The following GTF2A1 variants were observed in gnomAD, a reference collection of about 807,000 sequenced individuals.
GTF2A1 encodes the protein transcription initiation factor IIA subunit 1.
GTF2A1 carries 12 observed loss-of-function variants against 54.1 expected under a neutral mutation model. The observed-to-expected ratio is 0.22, with a 90% CI of 0.14 to 0.36. The LOEUF (loss-of-function observed/expected upper bound fraction) is 0.36. Ranked by LOEUF, GTF2A1 falls within the 10% of genes least tolerant of loss-of-function variation. The probability of loss-of-function intolerance (pLI) is 1.00; values close to 1 mark genes in which losing one functional copy is unlikely to be tolerated. For synonymous variants in GTF2A1, 145 were observed against 152.0 expected (o/e 0.95, Z 0.34); for missense variants, 335 against 442.2 (o/e 0.76, Z 2.17).
intron 1 of GTF2A1, among the ~76,000 whole-genome samples, 175 bp downstream of exon 1, chr14:81,220,313 GC>G (rs1480304200): frequency 1.4e-5 from 2 of 140,338 alleles, no homozygotes; most frequent in African/African-American, 5.1e-5. Flanking sequence ...GCCCCCCCGC[GC>G]CCGCCGCCCG....
At chr14:81,214,684 T>C (rs1351167775) in intron 2 of GTF2A1, among the ~76,000 whole-genome samples, 1 of 152,098 alleles carries the variant, frequency 6.6e-6, no homozygotes, top group Non-Finnish European at 1.5e-5. Flanking sequence ...CAAAGAGCTT[T>C]TCTGTATGTG....
At chr14:81,180,639 G>C (rs1566849365) in intron 8 of GTF2A1, among the ~76,000 whole-genome samples, 1 of 151,800 alleles carries the variant, frequency 6.6e-6, no homozygotes, top group African/African-American at 2.4e-5. Flanking sequence ...TCACCAAAAA[G>C]AACAACAACA....
At chr14:81,200,308 C>A (rs907937598) in intron 4 of GTF2A1, among the ~76,000 whole-genome samples, 1 of 152,020 alleles carries the variant, frequency 6.6e-6, no homozygotes, top group Middle Eastern at 3.2e-3. Flanking sequence ...CTCATCTTTT[C>A]ATACACTGCT....
At chr14:81,205,749 AGT>A (rs1893214716) in intron 2 of GTF2A1, among the ~76,000 whole-genome samples, 1 of 152,206 alleles carries the variant, frequency 6.6e-6, no homozygotes, top group Non-Finnish European at 1.5e-5. Context: ...AATAAATTTA[AGT>A]CTCTGCTAAT....
At chr14:81,220,421 C>T in intron 1 of GTF2A1, 68 bp downstream of exon 1, 2 of 1,168,894 alleles carry the variant, frequency 1.7e-6, no homozygotes, top group Non-Finnish European at 2.4e-6. Context: ...CCGTCCCCGC[C>T]CCCGCCCGGT....
At chr14:81,217,347 TCCACATCCTATTTTTTCCC>T (rs1893509221) in intron 1 of GTF2A1, among the ~76,000 whole-genome samples, 2 of 152,194 alleles carry the variant, frequency 1.3e-5, no homozygotes, top group African/African-American at 4.8e-5. Context: ...ATTAGCCCAA[TCCACATCCTATTTTTTCCC>T]CCACATCCTA....
At chr14:81,201,731 A>C in intron 3 of GTF2A1, 73 bp from the exon 4 acceptor site, 1 of 980,244 alleles carries the variant, frequency 1.0e-6, no homozygotes, top group Non-Finnish European at 1.6e-6. Context: ...CACTTTACAT[A>C]CAATGATGAA....
At chr14:81,198,437 T>C (rs2013461841) in intron 4 of GTF2A1, among the ~76,000 whole-genome samples, 1 of 152,264 alleles carries the variant, frequency 6.6e-6, no homozygotes, top group African/African-American at 2.4e-5. Flanking sequence ...GTCACAAACT[T>C]TAGTTTCAAC....
Position 81,178,692 on chromosome 14 carries a change from A to T in GTF2A1, c.*1531T>A, listed in dbSNP as rs1892579631. 6.6e-6 allele frequency: 1 copy of T among 152,218 alleles called. No individual in the cohort carries two copies. Among genetic ancestry groups the T allele is most frequent in the South Asian group, 2.1e-4 (1 of 4,834 alleles). The allele number at this position is 152,218 out of a possible 1,614,324, so 9.4% of individuals were successfully genotyped here. On this transcript the variant is annotated 3_prime_UTR_variant, in exon 9 of 9. Transcript: ENST00000553612. ...AGTTTTCTTCTCTGTAATGTACTTT[A>T]AAAAGTGTTCATGTGTTACTTCTGA...
intron 8 of GTF2A1, among the ~76,000 whole-genome samples, chr14:81,183,544 T>C (rs1892681104): frequency 6.6e-6 from 1 of 152,226 alleles, no homozygotes; most frequent in Non-Finnish European, 1.5e-5. Flanking sequence ...TTTATATTAA[T>C]AGAAGTACAA....
intron 2 of GTF2A1, among the ~76,000 whole-genome samples, chr14:81,208,362 T>C (rs1056632775): frequency 2.0e-5 from 3 of 152,200 alleles, no homozygotes; most frequent in Non-Finnish European, 2.9e-5. Context: ...AAGTCAAGAA[T>C]TGAGGTTTGG....
chr14:81,209,473 T>C (rs1348746784), intron 2 of GTF2A1, among the ~76,000 whole-genome samples: 2 of 152,132 alleles, frequency 1.3e-5, no homozygotes, highest in African/African-American at 4.8e-5. Context: ...AGTGTGAAAA[T>C]GAACTAATAC....
intron 6 of GTF2A1, among the ~76,000 whole-genome samples, chr14:81,193,304 C>CTACA (rs1892916935): frequency 6.6e-6 from 1 of 151,842 alleles, no homozygotes; most frequent in African/African-American, 2.4e-5. Flanking sequence ...GTAGCTGGGA[C>CTACA]TACAGGTGCG....
intron 7 of GTF2A1, among the ~76,000 whole-genome samples, chr14:81,186,618 G>A (rs1892752197): frequency 6.6e-6 from 1 of 152,148 alleles, no homozygotes; most frequent in Admixed American, 6.5e-5. Context: ...AATGCAGAAA[G>A]AGAAGACAAA....
Position 81,198,057 on chromosome 14 carries a change from T to C in GTF2A1, c.403-573A>G, listed in dbSNP as rs1039748413. On this transcript the variant is annotated intron_variant, in intron 4 of 8. Coordinates refer to ENST00000553612, the MANE Select transcript of GTF2A1 (RefSeq NM_015859.4). The stretch of plus-strand genomic sequence containing the variant: ...AGTACAGCTGACAATTCTTCTAAGA[T>C]GTCATATTAGCAAAGAAAAAAGGGA... Among the ~76,000 whole-genome samples the C allele has an allele frequency of 2.5e-4, 38 of 152,166 alleles. 1 individual carries two copies. Among genetic ancestry groups the C allele is most frequent in the Non-Finnish European group, 4.4e-5 (3 of 68,030 alleles).
In GTF2A1 at chr14:81,192,730, G is replaced by A. The variant is rs751929090; in HGVS notation, c.722C>T (p.Ala241Val). 1 of 1,613,808 alleles carries A rather than the reference G, an allele frequency of 6.2e-7. No individual in the cohort carries two copies. Among genetic ancestry groups the A allele is most frequent in the South Asian group, 1.1e-5 (1 of 91,082 alleles). The change falls in exon 7 of 9, where the codon GCA becomes GTA. Residue 241 changes from alanine (A) to valine (V), a missense_variant. Coordinates refer to ENST00000553612, the MANE Select transcript of GTF2A1 (RefSeq NM_015859.4). ...NKTQVIPTTV[A>V]APTPAQAQIT... ...CTGTGCTTGGGCTGGTGTAGGTGCT[G>A]CCACTGTCGTAGGTATAACTTGAGT... is the stretch of plus-strand genomic sequence containing the variant.
intron 7 of GTF2A1, among the ~76,000 whole-genome samples, chr14:81,189,921 A>G (rs536801180): frequency 6.6e-6 from 1 of 152,288 alleles, no homozygotes; most frequent in Non-Finnish European, 1.5e-5. Context: ...ATAGAATGGG[A>G]AAAACACACT....
rs1892590737 is a variant in GTF2A1 at position 81,179,219 on chromosome 14, A to G, written c.*1004T>C. The stretch of plus-strand genomic sequence containing the variant: ...AACACAAGAAACTTTTATAATTACT[A>G]AACTGTTTAATAAAAATCCAGGTCC... On this transcript the variant is annotated 3_prime_UTR_variant, in exon 9 of 9. Coordinates refer to ENST00000553612, the MANE Select transcript of GTF2A1 (RefSeq NM_015859.4). 6.6e-6 allele frequency: 1 copy of G among 152,192 alleles called. No individual in the cohort carries two copies. Among genetic ancestry groups the G allele is most frequent in the African/African-American group, 2.4e-5 (1 of 41,452 alleles). 9.4% of individuals were successfully genotyped at this position (152,192 alleles called of 1,614,324 possible). A position where few individuals can be genotyped will look rare whatever the true frequency, so the allele number is the denominator to read the frequency against.
intron 2 of GTF2A1, among the ~76,000 whole-genome samples, chr14:81,205,596 CAG>C (rs757593321): frequency 1.3e-5 from 2 of 152,182 alleles, no homozygotes; most frequent in Non-Finnish European, 2.9e-5. Context: ...AACTGTTTAA[CAG>C]AGCCTTACAC....
Sources: gnomAD v4.1 joint callset for allele counts (sites outside exome capture counted in the v4.1 genomes callset) on GRCh38, gnomAD v4.1.1 for gene constraint, MANE v1.5 for transcripts, NCBI Gene and HGNC (gene_info 2026-07-23, HGNC 2026-07-21) for gene names.